EEFSEC: variants seen among roughly 807,000 people sequenced by gnomAD.
EEFSEC encodes the protein eukaryotic elongation factor, selenocysteine-tRNA specific.
A neutral mutation model predicts 42.1 loss-of-function variants in EEFSEC; 43 were observed. The ratio of observed to expected loss-of-function variants is 1.02; its 90% CI spans 0.80 to 1.32. EEFSEC has a LOEUF of 1.32. Among genes scored for constraint, EEFSEC ranks in the 40% most tolerant of loss-of-function variants. EEFSEC has a pLI of 0.00. For missense variants in EEFSEC, 745 were observed against 803.6 expected (o/e 0.93, Z 0.88); for synonymous variants, 354 against 339.1 (o/e 1.04, Z -0.48).
At chr3:128,410,827 G>T (rs887100495), downstream of EEFSEC, among the ~76,000 whole-genome samples, 22 of 152,106 alleles carry the variant, frequency 1.4e-4, no homozygotes, top group Non-Finnish European at 2.9e-4. Flanking sequence ...CTCTGTGCAG[G>T]CGTCCACCTC....
At chr3:128,188,908 G>A (rs2065491910) in intron 1 of EEFSEC, among the ~76,000 whole-genome samples, 1 of 152,204 alleles carries the variant, frequency 6.6e-6, no homozygotes, top group Admixed American at 6.5e-5. Context: ...AGGGGCTATT[G>A]TGTGCAAAGG....
intron 4 of EEFSEC, among the ~76,000 whole-genome samples, chr3:128,330,255 A>C (rs544532575): frequency 6.6e-6 from 1 of 152,302 alleles, no homozygotes; most frequent in South Asian, 2.1e-4. Context: ...GAGGTTAATC[A>C]CGAGGGTTTG....
chr3:128,302,767 A>G (rs1446371503), intron 4 of EEFSEC, among the ~76,000 whole-genome samples: 2 of 152,188 alleles, frequency 1.3e-5, no homozygotes, highest in Non-Finnish European at 2.9e-5. Flanking sequence ...CCCAGAAACA[A>G]TTTTATGCAT....
At chr3:128,185,929 T>TA (rs1190526925) in intron 1 of EEFSEC, among the ~76,000 whole-genome samples, 1 of 152,216 alleles carries the variant, frequency 6.6e-6, no homozygotes, top group African/African-American at 2.4e-5. Flanking sequence ...TGTGTAAACA[T>TA]ACATTTCTGT....
In EEFSEC at chr3:128,262,126, A is replaced by G. The variant is rs1280286658; in HGVS notation, c.525-2A>G. 8.7e-6 allele frequency: 14 copies of G among 1,613,746 alleles called. No individual in the cohort carries two copies. The highest frequency in any genetic ancestry group is 1.1e-5 in the Non-Finnish European group (13 of 1,179,916). On this transcript the variant is annotated splice_acceptor_variant, in intron 2 of 6. Coordinates refer to ENST00000254730, the MANE Select transcript of EEFSEC (RefSeq NM_021937.5). LOFTEE classifies it high-confidence loss of function. ...TGTGATGGGACTTATTTTCCATTTC[A>G]GGTTCCGAGGTGCACCGATTATACC...
intron 6 of EEFSEC, chr3:128,362,348 T>C: frequency 4.3e-6 from 2 of 467,074 alleles, no homozygotes; most frequent in Non-Finnish European, 8.9e-6. Flanking sequence ...AGAAGCTGAA[T>C]AGACTTGTTC....
intron 6 of EEFSEC, chr3:128,367,927 T>A: frequency 1.2e-6 from 1 of 849,980 alleles, no homozygotes; most frequent in Non-Finnish European, 1.4e-6. Context: ...ATCACTTGCC[T>A]AATGGTTCTT....
At chr3:128,400,974 C>T (rs1031300599) in intron 6 of EEFSEC, among the ~76,000 whole-genome samples, 2 of 152,168 alleles carry the variant, frequency 1.3e-5, no homozygotes, top group South Asian at 2.1e-4. Flanking sequence ...GGGTCATGGC[C>T]GCCCGCCCCC....
intron 1 of EEFSEC, among the ~76,000 whole-genome samples, chr3:128,154,290 G>A (rs1944328014): frequency 6.6e-6 from 1 of 151,982 alleles, no homozygotes; most frequent in African/African-American, 2.4e-5. Flanking sequence ...AAGCATATCT[G>A]TGTGTATGTA....
intron 1 of EEFSEC, among the ~76,000 whole-genome samples, chr3:128,187,170 G>A (rs1321116199): frequency 6.6e-6 from 1 of 152,214 alleles, no homozygotes; most frequent in Non-Finnish European, 1.5e-5. Context: ...ACAGGAGTGG[G>A]TACCCAGGGA....
chr3:128,351,865 C>A (rs778679257), intron 5 of EEFSEC, among the ~76,000 whole-genome samples: 1 of 152,206 alleles, frequency 6.6e-6, no homozygotes, highest in African/African-American at 2.4e-5. Context: ...CAGTGAGAAT[C>A]CCCACTTAGC....
At chr3:128,157,129 A>G (rs1559846700) in intron 1 of EEFSEC, among the ~76,000 whole-genome samples, 1 of 152,246 alleles carries the variant, frequency 6.6e-6, no homozygotes, top group Non-Finnish European at 1.5e-5. Flanking sequence ...TGGTCTGGAT[A>G]GAAAATCAAA....
chr3:128,406,587 A>C (rs2068116562), intron 6 of EEFSEC, among the ~76,000 whole-genome samples: 1 of 152,182 alleles, frequency 6.6e-6, no homozygotes. Flanking sequence ...TCATTCCAAA[A>C]TGTATACATA....
chr3:128,337,227 A>G (rs992771052), intron 4 of EEFSEC: 2 of 152,186 alleles, frequency 1.3e-5, no homozygotes, highest in African/African-American at 4.8e-5. Flanking sequence ...GTGAGAACCC[A>G]TGGGAGTGCC....
Position 128,346,175 on chromosome 3 carries a change from G to A in EEFSEC, c.1443+4286G>A, listed in dbSNP as rs150987071. On this transcript the variant is annotated intron_variant, in intron 5 of 6. Transcript: ENST00000254730. ...GCTTAACTCATTAGTATTACATAGAGCAAACTATGGCCCATGGGCCAAACC... is the reference window on the plus strand; with the variant it reads ...GCTTAACTCATTAGTATTACATAGAACAAACTATGGCCCATGGGCCAAACC... Among the ~76,000 whole-genome samples, 308 of 152,326 alleles carry A rather than the reference G, an allele frequency of 2.0e-3. 3 individuals carry two copies. Among genetic ancestry groups the A allele is most frequent in the African/African-American group, 6.8e-3 (284 of 41,566 alleles).
rs900939012 is a variant in EEFSEC at position 128,249,409 on chromosome 3, A to T, written c.524+2366A>T. ...GTATTGCCCCCACTTTTTCTTCCAC[A>T]TTTTTTTTATTGTGGTAAAATACAT... On this transcript the variant is annotated intron_variant, in intron 2 of 6. Coordinates refer to ENST00000254730, the MANE Select transcript of EEFSEC (RefSeq NM_021937.5). Among the ~76,000 whole-genome samples, 16 of 151,664 alleles carry T rather than the reference A, an allele frequency of 1.1e-4. No homozygotes were observed. In the South Asian group the frequency reaches 3.3e-3, roughly 32 times the overall value.
At position 128,358,351 on chromosome 3, in the gene EEFSEC, C is replaced by T; in HGVS notation, c.1578C>T (p.Gly526=). 1 of 1,614,238 alleles carries T rather than the reference C, an allele frequency of 6.2e-7. No individual in the cohort carries two copies. Among genetic ancestry groups the T allele is most frequent in the East Asian group, 2.2e-5 (1 of 44,884 alleles). ...TCGACAGTGCCTTCGGCCAGAGCGGCAAGTTCAAGATCCACATCCCAGGTA... is the reference window on the plus strand; with the variant it reads ...TCGACAGTGCCTTCGGCCAGAGCGGTAAGTTCAAGATCCACATCCCAGGTA... ...GIIDSAFGQS[G]KFKIHIPGGL... is the part of the protein sequence containing the mutation. Residue 526 remains glycine, a synonymous_variant, in exon 6 of 7, where the codon GGC becomes GGT. Coordinates refer to ENST00000254730, the MANE Select transcript of EEFSEC (RefSeq NM_021937.5).
chr3:128,194,198 T>C (rs1377534751), intron 1 of EEFSEC, among the ~76,000 whole-genome samples: 1 of 152,194 alleles, frequency 6.6e-6, no homozygotes, highest in Non-Finnish European at 1.5e-5. Context: ...GTGTTTTTAA[T>C]GGAGAAAATA....
At chr3:128,182,564 T>C (rs1576524811) in intron 1 of EEFSEC, among the ~76,000 whole-genome samples, 1 of 152,000 alleles carries the variant, frequency 6.6e-6, no homozygotes, top group African/African-American at 2.4e-5. Context: ...TTTATAATAG[T>C]TTCCCCTCAT....
Sources: allele counts gnomAD v4.1 joint callset (sites outside exome capture counted in the v4.1 genomes callset), GRCh38; gene constraint gnomAD v4.1.1; transcripts MANE v1.5; gene names NCBI Gene and HGNC (gene_info 2026-07-23, HGNC 2026-07-21).